The following DCLK1 variants were observed in gnomAD, a reference collection of about 807,000 sequenced individuals.
DCLK1 encodes doublecortin like kinase 1.
Under a neutral mutation model 86.2 loss-of-function variants are expected in DCLK1, and 16 were observed. The ratio of observed to expected loss-of-function variants is 0.19; its 90% CI spans 0.13 to 0.28. The LOEUF (loss-of-function observed/expected upper bound fraction) is 0.28, where lower values mean the gene tolerates loss of function less well. Ranked by LOEUF, DCLK1 falls within the 10% of genes least tolerant of loss-of-function variation. The probability of loss-of-function intolerance (pLI) is 1.00; values close to 1 mark genes in which losing one functional copy is unlikely to be tolerated. For missense variants in DCLK1, 590 were observed against 940.2 expected, an observed-to-expected ratio of 0.63 and a Z score of 4.87; for synonymous variants, 369 against 370.5, an observed-to-expected ratio of 1.00 and a Z score of 0.05.
chr13:35,818,115 T>C (rs2087311052), intron 11 of DCLK1, among the ~76,000 whole-genome samples: 1 of 152,104 alleles, frequency 6.6e-6, no homozygotes, highest in Non-Finnish European at 1.5e-5. Flanking sequence ...CTCCCTTCCT[T>C]TGGGTAACCT....
At position 35,772,864 on chromosome 13, in the gene DCLK1, A is replaced by G. The variant is rs563578508; in HGVS notation, c.*1671T>C. The G allele has an allele frequency of 1.6e-4, 24 of 152,338 alleles. No individual in the cohort carries two copies. The highest frequency in any genetic ancestry group is 5.3e-4 in the African/African-American group (22 of 41,570). 9.4% of individuals were successfully genotyped at this position (152,338 alleles called of 1,614,324 possible). A position where few individuals can be genotyped will look rare whatever the true frequency, so the allele number is the denominator to read the frequency against. Reference sequence around the variant, plus strand: ...AAGAGTAAAAATGCAGCAAGTGAAGATCAATGTGCATTTGAAAATAAAGGA... The same window carrying G: ...AAGAGTAAAAATGCAGCAAGTGAAGGTCAATGTGCATTTGAAAATAAAGGA... On this transcript the variant is annotated 3_prime_UTR_variant, in exon 17 of 17. Coordinates refer to ENST00000360631, the MANE Select transcript of DCLK1 (RefSeq NM_001330071.2).
intron 4 of DCLK1, among the ~76,000 whole-genome samples, chr13:35,872,117 G>T (rs866367163): frequency 6.6e-6 from 1 of 152,230 alleles, no homozygotes; most frequent in Middle Eastern, 3.4e-3. Context: ...TTATGATGCT[G>T]TACAAACCCA....
intron 15 of DCLK1, among the ~76,000 whole-genome samples, chr13:35,802,435 C>G (rs2086940998): frequency 6.6e-6 from 1 of 151,968 alleles, no homozygotes; most frequent in African/African-American, 2.4e-5. Flanking sequence ...TTCAGATTGT[C>G]TAGTTTCTTC....
intron 4 of DCLK1, among the ~76,000 whole-genome samples, chr13:35,937,182 C>T (rs1346739732): frequency 6.0e-5 from 9 of 151,242 alleles, no homozygotes; most frequent in Admixed American, 5.3e-4. Context: ...ATTGTGCTGG[C>T]CAGAATGGTC....
At chr13:35,887,657 G>A (rs759800401) in intron 4 of DCLK1, among the ~76,000 whole-genome samples, 2 of 151,992 alleles carry the variant, frequency 1.3e-5, no homozygotes, top group Non-Finnish European at 2.9e-5. Flanking sequence ...AAAACCAAAG[G>A]CAAACAATTA....
At chr13:35,798,226 G>C (rs1401950934) in intron 15 of DCLK1, among the ~76,000 whole-genome samples, 2 of 152,160 alleles carry the variant, frequency 1.3e-5, no homozygotes, top group Admixed American at 1.3e-4. Context: ...CTGTGGGGAG[G>C]CTTGTGGGGG....
At chr13:35,888,709 C>CTCT (rs1873450379) in intron 4 of DCLK1, among the ~76,000 whole-genome samples, 1 of 152,334 alleles carries the variant, frequency 6.6e-6, no homozygotes, top group Admixed American at 6.5e-5. Flanking sequence ...TCAGATGATA[C>CTCT]TCTATTTGCA....
At chr13:35,899,298 G>C (rs968742837) in intron 4 of DCLK1, among the ~76,000 whole-genome samples, 6 of 151,572 alleles carry the variant, frequency 4.0e-5, no homozygotes, top group African/African-American at 1.5e-4. Context: ...AGAGCAGCTT[G>C]CATGTTTTTC....
intron 7 of DCLK1, among the ~76,000 whole-genome samples, chr13:35,838,231 T>C (rs893730988): frequency 2.6e-5 from 4 of 152,200 alleles, no homozygotes; most frequent in Non-Finnish European, 2.9e-5. Flanking sequence ...TGAAGTTGCA[T>C]TGTAGTCAGA....
chr13:36,023,284 G>A (rs919862470), intron 3 of DCLK1, among the ~76,000 whole-genome samples: 1 of 152,194 alleles, frequency 6.6e-6, no homozygotes, highest in African/African-American at 2.4e-5. Context: ...CAGTGTATGG[G>A]CTGGCAGGCA....
At chr13:35,812,480 C>T (rs1458798026) in intron 11 of DCLK1, among the ~76,000 whole-genome samples, 1 of 152,250 alleles carries the variant, frequency 6.6e-6, no homozygotes, top group African/African-American at 2.4e-5. Flanking sequence ...CATCTCCACA[C>T]ATCAGGGGCA....
chr13:35,830,020 T>C (rs1178307748), intron 8 of DCLK1, among the ~76,000 whole-genome samples: 1 of 152,180 alleles, frequency 6.6e-6, no homozygotes, highest in Non-Finnish European at 1.5e-5. Context: ...ACATAAACAC[T>C]AGACCACCAG....
At chr13:36,112,900 A>G (rs896217533) in intron 2 of DCLK1, among the ~76,000 whole-genome samples, 6 of 152,262 alleles carry the variant, frequency 3.9e-5, no homozygotes, top group Non-Finnish European at 8.8e-5. Context: ...TGTTTATTAA[A>G]AGTGACTCCT....
chr13:35,846,765 C>A, intron 6 of DCLK1: 9 of 985,202 alleles, frequency 9.1e-6, no homozygotes, highest in Non-Finnish European at 1.1e-5. Context: ...TGCAAATATG[C>A]ATAAATGAGC....
chr13:35,897,068 C>T (rs927758365), intron 4 of DCLK1, among the ~76,000 whole-genome samples: 2 of 152,034 alleles, frequency 1.3e-5, no homozygotes, highest in Non-Finnish European at 2.9e-5. Flanking sequence ...GCCAGCCATT[C>T]TTCATTATCG....
chr13:35,908,976 C>G (rs1046502968), intron 4 of DCLK1, among the ~76,000 whole-genome samples: 1 of 152,118 alleles, frequency 6.6e-6, no homozygotes, highest in Non-Finnish European at 1.5e-5. Flanking sequence ...AAGCTTTCTG[C>G]AATTTTTTAA....
chr13:36,065,738 A>G (rs902917395), intron 3 of DCLK1, among the ~76,000 whole-genome samples: 5 of 152,222 alleles, frequency 3.3e-5, no homozygotes, highest in Non-Finnish European at 7.3e-5. Context: ...TCATCTGGCT[A>G]ATTTGGCACA....
intron 6 of DCLK1, chr13:35,846,322 T>C (rs1442363678): frequency 3.0e-6 from 3 of 985,184 alleles, no homozygotes; most frequent in Non-Finnish European, 3.6e-6. Context: ...TACTGATGAG[T>C]ATCAACTCCT....
At chr13:35,782,484 G>A (rs373394330) in intron 16 of DCLK1, among the ~76,000 whole-genome samples, 9 of 152,226 alleles carry the variant, frequency 5.9e-5, no homozygotes, top group African/African-American at 2.2e-4. Context: ...AGTAAGTCAG[G>A]GATAGTTCCT....
Sources: allele counts gnomAD v4.1 joint callset (sites outside exome capture counted in the v4.1 genomes callset), GRCh38; gene constraint gnomAD v4.1.1; transcripts MANE v1.5; gene names NCBI Gene and HGNC (gene_info 2026-07-23, HGNC 2026-07-21).